Variants in BCAT2 observed in about 807,000 individuals in gnomAD.
BCAT2 encodes branched chain amino acid transaminase 2.
BCAT2 carries 44 observed loss-of-function variants against 52.9 expected under a neutral mutation model. That is an observed-to-expected ratio of 0.83 (90% CI 0.65 to 1.07). The LOEUF (loss-of-function observed/expected upper bound fraction) is 1.07. Ranked by LOEUF, BCAT2 falls within the 50% of genes least tolerant of loss-of-function variation. The pLI is 0.00. For synonymous variants in BCAT2, 215 were observed against 217.1 expected (o/e 0.99, Z 0.08); for missense variants, 478 against 521.8 (o/e 0.92, Z 0.82).
At chr19:48,804,156 CATAA>C (rs55857832) in intron 3 of BCAT2, among the ~76,000 whole-genome samples, 3 of 151,140 alleles carry the variant, frequency 2.0e-5, no homozygotes, top group South Asian at 2.1e-4. Flanking sequence ...AACTCTATCT[CATAA>C]ATAAATAAAC....
Position 48,797,421 on chromosome 19 carries a change from C to T in BCAT2, c.696-88G>A, listed in dbSNP as rs541887409. ...AGAGGAGGCTCATCCTACTCTCTCC[C>T]GTCTCCCTGCTCACAGCTCTCACAG... On this transcript the variant is annotated intron_variant, in intron 6 of 10. Coordinates refer to ENST00000316273, the MANE Select transcript of BCAT2 (RefSeq NM_001190.4). The T allele has an allele frequency of 6.2e-5, 93 of 1,500,618 alleles. 1 individual carries two copies. In the Admixed American group the frequency reaches 6.9e-4, roughly 11 times the overall value. 93.0% of individuals were successfully genotyped at this position (1,500,618 alleles called of 1,614,324 possible).
chr19:48,803,885 C>A (rs1415610000), intron 3 of BCAT2, among the ~76,000 whole-genome samples: 5 of 152,136 alleles, frequency 3.3e-5, no homozygotes, highest in Non-Finnish European at 7.4e-5. Context: ...GGAGGCTGGG[C>A]GCCGTGGCTC....
chr19:48,795,487 C>A (rs1164883635), intron 10 of BCAT2, 23 bp from the exon 11 acceptor site: 1 of 1,613,280 alleles, frequency 6.2e-7, no homozygotes, highest in Non-Finnish European at 8.5e-7. Context: ...GGAGGCAGTG[C>A]GTGAGGTGGA....
intron 1 of BCAT2, among the ~76,000 whole-genome samples, chr19:48,809,066 CAAAAA>C (rs3057799): frequency 1.7e-4 from 5 of 28,966 alleles, no homozygotes; most frequent in South Asian, 3.1e-3. Context: ...GAGTGTCTCT[CAAAAA>C]AAAAAAAAAA....
At chr19:48,806,791 C>T in intron 2 of BCAT2, 74 bp from the exon 3 acceptor site, 2 of 1,552,190 alleles carry the variant, frequency 1.3e-6, no homozygotes, top group South Asian at 1.1e-5. Context: ...CCATGAAGCC[C>T]TGGGCCTCAG....
chr19:48,803,888 C>T (rs1223093507), intron 3 of BCAT2, among the ~76,000 whole-genome samples: 5 of 149,848 alleles, frequency 3.3e-5, no homozygotes, highest in Non-Finnish European at 4.5e-5. Flanking sequence ...GGCTGGGCGC[C>T]GTGGCTCACG....
rs1392294519 is a variant in BCAT2 at position 48,807,187 on chromosome 19, A to C, written c.25-113T>G. 4.5e-6 allele frequency: 4 copies of C among 894,118 alleles called. No individual in the cohort carries two copies. Among genetic ancestry groups the C allele is most frequent in the Non-Finnish European group, 6.9e-6 (4 of 582,574 alleles). 55.4% of individuals were successfully genotyped at this position (894,118 alleles called of 1,614,324 possible). A position where few individuals can be genotyped will look rare whatever the true frequency, so the allele number is the denominator to read the frequency against. ...CCCACTGGCCTGCCTGTTCTGTCCCAGTTTCAGTCCATTCTAGACGGGGCA... is the reference window on the plus strand; with the variant it reads ...CCCACTGGCCTGCCTGTTCTGTCCCCGTTTCAGTCCATTCTAGACGGGGCA... On this transcript the variant is annotated intron_variant, in intron 1 of 10. Transcript: ENST00000316273. The surrounding 1 kb of genome is among the most constrained non-coding windows in gnomAD (Gnocchi z 4.6).
Position 48,807,321 on chromosome 19 carries a change from A to C in BCAT2, c.25-247T>G, listed in dbSNP as rs2122695742. ...CCATGCTGCGGCAAAGTCAAACGCA[A>C]GCGCCTCCCACCCCAGAGACCTTTG... On this transcript the variant is annotated intron_variant, in intron 1 of 10. Transcript: ENST00000316273. This position sits in a 1 kb window ranked among gnomAD's most constrained non-coding sequence, Gnocchi z 4.6. The C allele has an allele frequency of 2.3e-6, 1 of 429,244 alleles. No homozygotes were observed. The highest frequency in any genetic ancestry group is 4.2e-6 in the Non-Finnish European group (1 of 237,224). The allele number at this position is 429,244 out of a possible 1,614,324, so 26.6% of individuals were successfully genotyped here.
chr19:48,798,544 C>CA (rs1444455270), intron 6 of BCAT2, among the ~76,000 whole-genome samples: 1 of 152,196 alleles, frequency 6.6e-6, no homozygotes, highest in African/African-American at 2.4e-5. Context: ...GGACTGGAAA[C>CA]AGTTTGCTGA....
chr19:48,809,566 T>C (rs2034874327), intron 1 of BCAT2, among the ~76,000 whole-genome samples: 3 of 151,856 alleles, frequency 2.0e-5, no homozygotes, highest in Admixed American at 6.6e-5. Context: ...ACCAGGGCTG[T>C]TCTATGATGG....
rs1376034422 is a variant in BCAT2, at chr19:48,797,220, A to C, written c.809T>G (p.Ile270Ser). 6.2e-7 allele frequency: 1 copy of C among 1,613,896 alleles called. No individual in the cohort carries two copies. Among genetic ancestry groups the C allele is most frequent in the Non-Finnish European group, 8.5e-7 (1 of 1,179,932 alleles). ...ATCTTCGTGGGTCCAGTAGACAAAGATGTTCATGGTTCCCACCTCGGTGAG... is the reference window on the plus strand; with the variant it reads ...ATCTTCGTGGGTCCAGTAGACAAAGCTGTTCATGGTTCCCACCTCGGTGAG... ...HQLTEVGTMN[I>S]FVYWTHEDGV... The change falls in exon 7 of 11, where the codon ATC (isoleucine) becomes AGC (serine). Residue 270 changes from isoleucine to serine, a missense_variant. Ile to Ser is a moderately radical substitution (Grantham distance 142). Coordinates refer to ENST00000316273, the MANE Select transcript of BCAT2 (RefSeq NM_001190.4).
intron 1 of BCAT2, among the ~76,000 whole-genome samples, chr19:48,810,350 G>A (rs2122709255): frequency 6.6e-6 from 1 of 152,196 alleles, no homozygotes; most frequent in East Asian, 1.9e-4. Context: ...ATAGACTCTG[G>A]GAAACGCTGC....
rs765685326 is a variant in BCAT2 at position 48,796,295 on chromosome 19, G to A, written c.1140+133C>T. The A allele has an allele frequency of 6.9e-6, 8 of 1,164,224 alleles. No homozygotes were observed. In the South Asian group the frequency reaches 1.1e-4, roughly 16 times the overall value. 72.1% of individuals were successfully genotyped at this position (1,164,224 alleles called of 1,614,324 possible). On this transcript the variant is annotated intron_variant, in intron 10 of 10. Coordinates refer to ENST00000316273, the MANE Select transcript of BCAT2 (RefSeq NM_001190.4). ...CAGCACAGAAAGCCCACTCTCCAGG[G>A]CCTCAATAAGAAAGGCCATTATCTG...
In BCAT2 at chr19:48,800,171, G is replaced by A; in HGVS notation, c.411+16C>T. On this transcript the variant is annotated intron_variant, in intron 4 of 10. Transcript: ENST00000316273. Reference sequence around the variant, plus strand: ...CCCAGCCCTCCTCCCCACCCCGGTGGACCGGGACCCCTCACCGGCAGGCAC... The same window carrying A: ...CCCAGCCCTCCTCCCCACCCCGGTGAACCGGGACCCCTCACCGGCAGGCAC... 1 of 1,612,976 alleles carries A rather than the reference G, an allele frequency of 6.2e-7. No homozygotes were observed. The highest frequency in any genetic ancestry group is 8.5e-7 in the Non-Finnish European group (1 of 1,179,468).
Position 48,800,111 on chromosome 19 carries a change from T to C in BCAT2, c.412-11A>G. 6.2e-7 allele frequency: 1 copy of C among 1,613,798 alleles called. No individual in the cohort carries two copies. The highest frequency in any genetic ancestry group is 8.5e-7 in the Non-Finnish European group (1 of 1,179,800). ...CAGCTTGTCGAAACTCTGGGTGGGA[T>C]TCTGAATGAGTCAAGGGGCCCTTGC... On this transcript the variant is annotated splice_polypyrimidine_tract_variant and intron_variant, in intron 4 of 10. Transcript: ENST00000316273.
In BCAT2 at chr19:48,799,810, C is replaced by T. The variant is rs1180135448; in HGVS notation, c.560G>A (p.Arg187His). Reference sequence around the variant, plus strand: ...GCAGAGAATGACGAACAGGAGCGCGCGCGTGGGCTGGCTGACACCCAGCGA... The same window carrying T: ...GCAGAGAATGACGAACAGGAGCGCGTGCGTGGGCTGGCTGACACCCAGCGA... ...EPSLGVSQPTRALLFVILCPV... is the reference protein window; with the variant it reads ...EPSLGVSQPTHALLFVILCPV... The change falls in exon 6 of 11, where the codon CGC (arginine) becomes CAC (histidine). Residue 187 changes from arginine to histidine, a missense_variant. By Grantham distance (29) the Arg-to-His change is conservative. Transcript: ENST00000316273. The surrounding 1 kb of genome is among the most constrained non-coding windows in gnomAD (Gnocchi z 5.5). 3 of 1,558,964 alleles carry T rather than the reference C, an allele frequency of 1.9e-6. No individual in the cohort carries two copies. The highest frequency in any genetic ancestry group is 1.7e-4 in the Middle Eastern group (1 of 5,988).
chr19:48,797,469 G>A (rs1035424683), intron 6 of BCAT2, 136 bp from the exon 7 acceptor site: 3 of 1,095,500 alleles, frequency 2.7e-6, no homozygotes, highest in African/African-American at 3.2e-5. Context: ...CCCCTGAGAT[G>A]GAATCCTTGA....
intron 1 of BCAT2, among the ~76,000 whole-genome samples, chr19:48,809,813 A>G (rs1381398024): frequency 6.6e-6 from 1 of 151,380 alleles, no homozygotes; most frequent in Admixed American, 6.6e-5. Flanking sequence ...AATCCCCAGG[A>G]CTATCCCTAT....
intron 3 of BCAT2, among the ~76,000 whole-genome samples, chr19:48,804,401 G>A (rs111578040): frequency 0.025 from 3,731 of 151,724 alleles, 139 homozygotes; most frequent in African/African-American, 0.086. Flanking sequence ...AAAATTAGCC[G>A]GGTGTGGTGG....
Sources: allele counts gnomAD v4.1 joint callset (sites outside exome capture counted in the v4.1 genomes callset), GRCh38; gene constraint gnomAD v4.1.1; non-coding constraint Gnocchi (gnomAD v3.1); transcripts MANE v1.5; gene names NCBI Gene and HGNC (gene_info 2026-07-23, HGNC 2026-07-21).